The following CDC14A variants were observed in gnomAD, a reference collection of about 807,000 sequenced individuals.
CDC14A encodes dual specificity protein phosphatase CDC14A.
A neutral mutation model predicts 74.4 loss-of-function variants in CDC14A; 53 were observed. The observed-to-expected ratio is 0.71, with a 90% CI of 0.57 to 0.89. The LOEUF (loss-of-function observed/expected upper bound fraction) is 0.89, where lower values mean the gene tolerates loss of function less well. CDC14A is among the 40% of genes least tolerant of loss of function. CDC14A has a pLI of 0.00. For synonymous variants in CDC14A, 247 were observed against 258.4 expected (o/e 0.96, Z 0.43); for missense variants, 646 against 713.7 (o/e 0.91, Z 1.08).
chr1:100,493,727 C>T (rs1025251394), intron 11 of CDC14A, among the ~76,000 whole-genome samples: 7 of 152,150 alleles, frequency 4.6e-5, no homozygotes, highest in African/African-American at 1.7e-4. Flanking sequence ...TGTCCTTATT[C>T]TTTCTTTCCC....
intron 2 of CDC14A, among the ~76,000 whole-genome samples, chr1:100,359,771 C>T (rs550369154): frequency 4.6e-5 from 7 of 151,624 alleles, no homozygotes; most frequent in African/African-American, 1.7e-4. Flanking sequence ...TGGCTGCTTA[C>T]CTGGTGTAAC....
upstream of CDC14A, chr1:100,351,931 A>G: frequency 1.2e-6 from 1 of 828,748 alleles, no homozygotes; most frequent in Non-Finnish European, 1.9e-6. Flanking sequence ...CTGAAATGTT[A>G]GCTAGAGGCG....
chr1:100,383,736 A>G lies in CDC14A; in HGVS notation c.216+6115A>G, dbSNP rs1656464014. The G allele has an allele frequency of 2.0e-5, 3 of 152,462 alleles. No individual in the cohort carries two copies. In the South Asian group the frequency reaches 6.2e-4, roughly 32 times the overall value. The allele number at this position is 152,462 out of a possible 1,614,324, so 9.4% of individuals were successfully genotyped here. A position where few individuals can be genotyped will look rare whatever the true frequency, so the allele number is the denominator to read the frequency against. ...CAGAACTTGCATGTTTAGGAGGTGC[A>G]TGGGCTCTATTTTTATTAAAGAGCA... is the stretch of plus-strand genomic sequence containing the variant. On this transcript the variant is annotated intron_variant, in intron 3 of 15. Transcript: ENST00000336454.
At chr1:100,393,965 AT>A (rs1658104706) in intron 4 of CDC14A, 24 of 247,904 alleles carry the variant, frequency 9.7e-5, no homozygotes, top group Non-Finnish European at 1.3e-4. Flanking sequence ...AAAAAAAAAT[AT>A]ATATATATAT....
chr1:100,514,831 G>C (rs1259170474), intron 15 of CDC14A, among the ~76,000 whole-genome samples: 2 of 152,166 alleles, frequency 1.3e-5, no homozygotes, highest in African/African-American at 4.8e-5. Context: ...AGTTCAGCTA[G>C]TTGTATTTAA....
intron 4 of CDC14A, among the ~76,000 whole-genome samples, chr1:100,416,981 C>G (rs1272001855): frequency 6.6e-6 from 1 of 152,168 alleles, no homozygotes; most frequent in African/African-American, 2.4e-5. Flanking sequence ...GTGTGTGCTA[C>G]ATGCCAGGCA....
chr1:100,386,846 C>G (rs1656941665), intron 3 of CDC14A, among the ~76,000 whole-genome samples: 1 of 152,214 alleles, frequency 6.6e-6, no homozygotes, highest in African/African-American at 2.4e-5. Flanking sequence ...TGGTAAAGTT[C>G]TTCCATGAAA....
chr1:100,375,984 T>C (rs1655190914), intron 2 of CDC14A, among the ~76,000 whole-genome samples: 1 of 152,190 alleles, frequency 6.6e-6, no homozygotes, highest in Admixed American at 6.5e-5. Flanking sequence ...AATGATGAGT[T>C]CATGTCCTTT....
At chr1:100,392,968 C>T in intron 4 of CDC14A, 1 of 1,063,574 alleles carries the variant, frequency 9.4e-7, no homozygotes, top group South Asian at 1.5e-5. Context: ...TTGTCCTTAA[C>T]AGTTCATTAA....
At chr1:100,410,211 A>G (rs1370770113) in intron 4 of CDC14A, among the ~76,000 whole-genome samples, 2 of 145,074 alleles carry the variant, frequency 1.4e-5, no homozygotes, top group East Asian at 2.0e-4. Flanking sequence ...GACTCTGGCT[A>G]AAAAAAAAAA....
intron 11 of CDC14A, among the ~76,000 whole-genome samples, chr1:100,487,749 T>C (rs1670189459): frequency 6.6e-6 from 1 of 152,184 alleles, no homozygotes; most frequent in South Asian, 2.1e-4. Context: ...GCTTCACCTT[T>C]ATTGAGCCTG....
At chr1:100,470,910 A>G (rs1234463278) in intron 10 of CDC14A, among the ~76,000 whole-genome samples, 5 of 152,150 alleles carry the variant, frequency 3.3e-5, no homozygotes, top group African/African-American at 9.7e-5. Context: ...CTATGACCCA[A>G]TGATTTCATT....
intron 10 of CDC14A, among the ~76,000 whole-genome samples, chr1:100,477,590 T>G (rs1456896190): frequency 6.6e-6 from 1 of 151,820 alleles, no homozygotes; most frequent in Non-Finnish European, 1.5e-5. Flanking sequence ...GATTTAGAGA[T>G]GGGTACCAGG....
At chr1:100,449,492 C>T (rs1280613936) in intron 7 of CDC14A, among the ~76,000 whole-genome samples, 1 of 152,160 alleles carries the variant, frequency 6.6e-6, no homozygotes, top group East Asian at 1.9e-4. Context: ...TACCCAAATC[C>T]ACGCAGCTTA....
chr1:100,361,454 A>C (rs958345462), intron 2 of CDC14A, among the ~76,000 whole-genome samples: 1 of 152,208 alleles, frequency 6.6e-6, no homozygotes, highest in Non-Finnish European at 1.5e-5. Context: ...GGTGTATAAT[A>C]GCAAAGAGTA....
chr1:100,373,738 C>T (rs1008074698), intron 2 of CDC14A, among the ~76,000 whole-genome samples: 7 of 152,264 alleles, frequency 4.6e-5, no homozygotes, highest in African/African-American at 9.6e-5. Flanking sequence ...TACAACACCA[C>T]ACTGGGAAGT....
intron 15 of CDC14A, among the ~76,000 whole-genome samples, chr1:100,502,423 G>A (rs1204354964): frequency 6.6e-6 from 1 of 152,222 alleles, no homozygotes; most frequent in Non-Finnish European, 1.5e-5. Flanking sequence ...GTAACATGCT[G>A]TACAGGTTTG....
Position 100,508,261 on chromosome 1 carries a change from T to G in CDC14A, c.1755+8999T>G, listed in dbSNP as rs1649410854. 6.6e-6 allele frequency among the ~76,000 whole-genome samples: 1 copy of G among 151,816 alleles called. No homozygotes were observed. Among genetic ancestry groups the G allele is most frequent in the Non-Finnish European group, 1.5e-5 (1 of 67,964 alleles). On this transcript the variant is annotated intron_variant, in intron 15 of 15. Coordinates refer to ENST00000336454, the MANE Select transcript of CDC14A (RefSeq NM_003672.4). The surrounding 1 kb of genome is among the most constrained non-coding windows in gnomAD (Gnocchi z 4.4). ...GGCCCGCCTGTTTTTGTTTTATGGC[T>G]TCTTATTCTTTTTATATGTGTGTGT...
At chr1:100,501,996 G>T (rs1416594775) in intron 15 of CDC14A, among the ~76,000 whole-genome samples, 1 of 152,172 alleles carries the variant, frequency 6.6e-6, no homozygotes, top group African/African-American at 2.4e-5. Flanking sequence ...AATTTCAAGT[G>T]ATTGGGAGTT....
Sources: allele counts gnomAD v4.1 joint callset (sites outside exome capture counted in the v4.1 genomes callset), GRCh38; gene constraint gnomAD v4.1.1; non-coding constraint Gnocchi (gnomAD v3.1); transcripts MANE v1.5; gene names NCBI Gene and HGNC (gene_info 2026-07-23, HGNC 2026-07-21).